DPP8: variants seen among roughly 807,000 people sequenced by gnomAD.
DPP8 encodes the protein dipeptidyl peptidase 8.
A neutral mutation model predicts 107.5 loss-of-function variants in DPP8; 31 were observed. The observed-to-expected ratio is 0.29, with a 90% CI of 0.22 to 0.39. The LOEUF is 0.39. DPP8 is among the 10% of genes least tolerant of loss of function. The pLI, the probability that DPP8 is intolerant of heterozygous loss-of-function variation, is 1.00. For synonymous variants in DPP8, 381 were observed against 356.6 expected (o/e 1.07, Z -0.77); for missense variants, 842 against 1,076.1 (o/e 0.78, Z 3.04).
At chr15:65,495,567 C>T (rs1023442580) in intron 5 of DPP8, among the ~76,000 whole-genome samples, 1 of 151,986 alleles carries the variant, frequency 6.6e-6, no homozygotes, top group African/African-American at 2.4e-5. Context: ...TAGCCCACTG[C>T]ACTCCAGCCT....
intron 7 of DPP8, 104 bp from the exon 8 acceptor site, chr15:65,485,264 T>A (rs1457808945): frequency 1.3e-5 from 11 of 848,928 alleles, no homozygotes; most frequent in Non-Finnish European, 2.1e-5. Flanking sequence ...AACGTATAGG[T>A]CGGGTGCAGT....
rs1475530982 is a variant in DPP8 at position 65,512,467 on chromosome 15, C to A, written c.87G>T (p.Arg29=). The A allele has an allele frequency of 6.2e-7, 1 of 1,614,010 alleles. No individual in the cohort carries two copies. Among genetic ancestry groups the A allele is most frequent in the Non-Finnish European group, 8.5e-7 (1 of 1,180,020 alleles). ...CAACATAAAAAGGCTCCAATTTAGG[C>A]CGATCCTGTGATTCAATATTCTCCT... The part of the protein sequence containing the change: ...DCEENIESQD[R]PKLEPFYVER... The change falls in exon 2 of 20, where the codon CGG becomes CGT. Residue 29 remains arginine, a synonymous_variant. Transcript: ENST00000300141.
At chr15:65,455,137 T>A (rs2064303126) in intron 16 of DPP8, among the ~76,000 whole-genome samples, 3 of 152,212 alleles carry the variant, frequency 2.0e-5, no homozygotes, top group Admixed American at 2.0e-4. Context: ...TTTTCCTTTT[T>A]ATCTATTTTT....
At chr15:65,476,097 G>A (rs1262973972) in intron 11 of DPP8, among the ~76,000 whole-genome samples, 4 of 152,204 alleles carry the variant, frequency 2.6e-5, no homozygotes, top group East Asian at 1.9e-4. Flanking sequence ...CTCTCTCAGC[G>A]GCCTAAGGAA....
intron 3 of DPP8, among the ~76,000 whole-genome samples, chr15:65,501,241 A>G (rs2069206696): frequency 6.6e-6 from 1 of 152,056 alleles, no homozygotes; most frequent in African/African-American, 2.4e-5. Flanking sequence ...AGTGACCCCA[A>G]AATTTGCTGG....
chr15:65,477,411 T>C (rs751125168), intron 11 of DPP8, among the ~76,000 whole-genome samples: 28 of 151,574 alleles, frequency 1.8e-4, no homozygotes, highest in Non-Finnish European at 3.4e-4. Context: ...AATAAATGAA[T>C]TAATTAATTT....
At chr15:65,503,259 A>G (rs1207872515) in intron 3 of DPP8, among the ~76,000 whole-genome samples, 1 of 151,148 alleles carries the variant, frequency 6.6e-6, no homozygotes, top group African/African-American at 2.4e-5. Context: ...TGCATGCACA[A>G]CCATGCTCGG....
At chr15:65,495,230 A>G (rs1332364950) in intron 5 of DPP8, among the ~76,000 whole-genome samples, 2 of 152,178 alleles carry the variant, frequency 1.3e-5, no homozygotes, top group African/African-American at 4.8e-5. Context: ...GATAATATAT[A>G]GACATTACTT....
chr15:65,512,594 A>G (rs372790003), intron 1 of DPP8, 30 bp from the exon 2 acceptor site: 3 of 1,612,216 alleles, frequency 1.9e-6, no homozygotes, highest in Non-Finnish European at 2.5e-6. Flanking sequence ...GAAGCTGTTC[A>G]CGGGTCTATC....
intron 12 of DPP8, among the ~76,000 whole-genome samples, chr15:65,471,831 G>C (rs2065924773): frequency 1.3e-5 from 2 of 152,094 alleles, no homozygotes; most frequent in Non-Finnish European, 2.9e-5. Flanking sequence ...CTGGGATCTG[G>C]ATCTTCATTA....
chr15:65,475,946 T>G (rs1372852942), intron 11 of DPP8, among the ~76,000 whole-genome samples: 1 of 151,704 alleles, frequency 6.6e-6, no homozygotes, highest in African/African-American at 2.4e-5. Flanking sequence ...AGAGATGGGG[T>G]TTTGCCATGT....
At position 65,444,602 on chromosome 15, in the gene DPP8, T is replaced by C. The variant is rs900399917; in HGVS notation, c.*2282A>G. ...GAGAATTCATTCAGGTATTTTTTCC[T>C]GCTAAAGAAGCAGAATGGCATTTAA... On this transcript the variant is annotated 3_prime_UTR_variant, in exon 20 of 20. Coordinates refer to ENST00000300141, the MANE Select transcript of DPP8 (RefSeq NM_130434.5). 2.6e-5 allele frequency: 4 copies of C among 152,192 alleles called. No homozygotes were observed. The highest frequency in any genetic ancestry group is 4.4e-5 in the Non-Finnish European group (3 of 68,034). The allele number at this position is 152,192 out of a possible 1,614,324, so 9.4% of individuals were successfully genotyped here.
intron 8 of DPP8, 141 bp downstream of exon 8, chr15:65,484,958 T>A (rs878969848): frequency 1.5e-6 from 1 of 670,608 alleles, no homozygotes; most frequent in East Asian, 2.8e-5. Context: ...AGTAAAAAAT[T>A]AGGTCAATCT....
rs547376939 is a variant in DPP8, at chr15:65,470,780, A to G, written c.1536+3429T>C. Among the ~76,000 whole-genome samples, 46 of 151,900 alleles carry G rather than the reference A, an allele frequency of 3.0e-4. No individual in the cohort carries two copies. In the East Asian group the frequency reaches 3.9e-3, roughly 13 times the overall value. On this transcript the variant is annotated intron_variant, in intron 12 of 19. Transcript: ENST00000300141. ...CTAAAAATACAAAAATTAGCTGGGCATGGTGGTGTATGCCTGTAATCCCAG... is the reference window on the plus strand; with the variant it reads ...CTAAAAATACAAAAATTAGCTGGGCGTGGTGGTGTATGCCTGTAATCCCAG...
chr15:65,455,906 G>C (rs1014849897), intron 16 of DPP8: 1 of 1,193,094 alleles, frequency 8.4e-7, no homozygotes, highest in East Asian at 5.1e-5. Flanking sequence ...CTTCACAGAG[G>C]ACAGAACAAA....
Position 65,474,398 on chromosome 15 carries a change from A to T in DPP8, c.1457-110T>A, listed in dbSNP as rs1469318478. The T allele has an allele frequency of 6.5e-6, 5 of 767,348 alleles. No homozygotes were observed. The Admixed American group carries it at 1.1e-4, about 18-fold the overall frequency. The allele number at this position is 767,348 out of a possible 1,614,324, so 47.5% of individuals were successfully genotyped here. A position where few individuals can be genotyped will look rare whatever the true frequency, so the allele number is the denominator to read the frequency against. On this transcript the variant is annotated intron_variant, in intron 11 of 19. Coordinates refer to ENST00000300141, the MANE Select transcript of DPP8 (RefSeq NM_130434.5). The stretch of plus-strand genomic sequence containing the variant: ...TTTTCCAAAAAGTTATGTTTGGGGT[A>T]ATAAAAATGTTTTGGAACTAGACAG...
At chr15:65,489,941 A>C (rs1013262275) in intron 6 of DPP8, among the ~76,000 whole-genome samples, 2 of 145,746 alleles carry the variant, frequency 1.4e-5, no homozygotes, top group Non-Finnish European at 3.0e-5. Context: ...CTGGTCTCGA[A>C]CTCCTGACCT....
At chr15:65,508,040 C>T (rs532731899) in intron 2 of DPP8, among the ~76,000 whole-genome samples, 2 of 151,736 alleles carry the variant, frequency 1.3e-5, no homozygotes, top group Admixed American at 1.3e-4. Flanking sequence ...GAGTTTGATA[C>T]CAGCCTGGCC....
At chr15:65,516,589 T>C (rs2071467935) in intron 1 of DPP8, 1 of 152,194 alleles carries the variant, frequency 6.6e-6, no homozygotes, top group African/African-American at 2.4e-5. Flanking sequence ...ACAGCAACAA[T>C]GGACTAAGAT....
Sources: allele counts gnomAD v4.1 joint callset (sites outside exome capture counted in the v4.1 genomes callset), GRCh38; gene constraint gnomAD v4.1.1; transcripts MANE v1.5; gene names NCBI Gene and HGNC (gene_info 2026-07-23, HGNC 2026-07-21).